Variants in PLEKHA5 observed in about 807,000 individuals in gnomAD.
PLEKHA5 encodes pleckstrin homology domain containing A5, also known as pleckstrin homology domain-containing family A member 5.
PLEKHA5 carries 55 observed loss-of-function variants against 181.9 expected under a neutral mutation model. That is an observed-to-expected ratio of 0.30 (90% CI 0.24 to 0.38). The LOEUF (loss-of-function observed/expected upper bound fraction) is 0.38, where lower values mean the gene tolerates loss of function less well. Among genes scored for constraint, PLEKHA5 ranks in the 10% least tolerant of loss-of-function variants. The pLI, the probability that PLEKHA5 is intolerant of heterozygous loss-of-function variation, is 1.00. For synonymous variants in PLEKHA5, 535 were observed against 529.4 expected (o/e 1.01, Z -0.15); for missense variants, 1,432 against 1,549.5 (o/e 0.92, Z 1.27).
intron 11 of PLEKHA5, among the ~76,000 whole-genome samples, chr12:19,277,406 A>G (rs951185232): frequency 6.6e-6 from 1 of 152,202 alleles, no homozygotes; most frequent in Non-Finnish European, 1.5e-5. Context: ...AGGTTCCTTT[A>G]TGAGTGTAAT....
intron 7 of PLEKHA5, among the ~76,000 whole-genome samples, chr12:19,264,294 G>A (rs190544896): frequency 5.3e-5 from 8 of 151,916 alleles, no homozygotes; most frequent in East Asian, 1.9e-4. Flanking sequence ...ACGGCCTCAC[G>A]TAATCTAGGG....
At chr12:19,312,762 T>G (rs1238802588) in intron 15 of PLEKHA5, among the ~76,000 whole-genome samples, 2 of 152,248 alleles carry the variant, frequency 1.3e-5, no homozygotes, top group Non-Finnish European at 2.9e-5. Context: ...GTATGTTGAC[T>G]GGAGTAGCAC....
chr12:19,277,547 T>C (rs774049748), intron 11 of PLEKHA5, among the ~76,000 whole-genome samples: 2 of 152,192 alleles, frequency 1.3e-5, no homozygotes, highest in South Asian at 2.1e-4. Flanking sequence ...TTAACTGTTA[T>C]GCCAGTTTTT....
intron 12 of PLEKHA5, among the ~76,000 whole-genome samples, chr12:19,284,311 C>G (rs1565565962): frequency 6.6e-6 from 1 of 152,128 alleles, no homozygotes; most frequent in Non-Finnish European, 1.5e-5. Flanking sequence ...TCAAGTGACC[C>G]ACTGGCCTCA....
rs759752709 is a variant in PLEKHA5, at chr12:19,283,634, A to G, written c.1668A>G (p.Ile556Met). 6.2e-7 allele frequency: 1 copy of G among 1,614,086 alleles called. No individual in the cohort carries two copies. Residue 556 changes from isoleucine to methionine, a missense_variant, in exon 12 of 32, where the codon ATA becomes ATG. Transcript: ENST00000429027. ...SIPTSPSHGS[I>M]AAYQGYSPQR... The stretch of plus-strand genomic sequence containing the variant: ...CCACATCACCTTCCCACGGGTCAAT[A>G]GCTGCTTATCAGGGATACTCCCCTC...
At chr12:19,257,232 G>A (rs1011625770) in intron 5 of PLEKHA5, among the ~76,000 whole-genome samples, 17 of 152,010 alleles carry the variant, frequency 1.1e-4, no homozygotes, top group African/African-American at 3.9e-4. Flanking sequence ...GTGATACCCT[G>A]GGGGAAAAAT....
At chr12:19,333,512 C>A (rs1442069990) in intron 20 of PLEKHA5, among the ~76,000 whole-genome samples, 1 of 151,878 alleles carries the variant, frequency 6.6e-6, no homozygotes, top group Non-Finnish European at 1.5e-5. Flanking sequence ...TCACTTGAAC[C>A]CGGGAGGCAG....
At chr12:19,162,319 A>G (rs1204062695) in intron 3 of PLEKHA5, among the ~76,000 whole-genome samples, 2 of 152,194 alleles carry the variant, frequency 1.3e-5, no homozygotes, top group African/African-American at 4.8e-5. Context: ...AGGCAGGCAA[A>G]GATTGTAATA....
intron 3 of PLEKHA5, among the ~76,000 whole-genome samples, chr12:19,133,218 A>G (rs1342147089): frequency 6.6e-6 from 1 of 151,966 alleles, no homozygotes; most frequent in African/African-American, 2.4e-5. Flanking sequence ...CAATCTTAAA[A>G]CCAGTTCTTT....
At chr12:19,178,157 C>T (rs527859479) in intron 3 of PLEKHA5, among the ~76,000 whole-genome samples, 5 of 152,182 alleles carry the variant, frequency 3.3e-5, no homozygotes, top group African/African-American at 9.6e-5. Context: ...AGTGTGCTGC[C>T]CAAGTATTGT....
chr12:19,190,669 C>T (rs1404221331), intron 3 of PLEKHA5, among the ~76,000 whole-genome samples: 1 of 152,218 alleles, frequency 6.6e-6, no homozygotes, highest in Admixed American at 6.5e-5. Context: ...TTTCAGTTAT[C>T]TCAGTGTTAT....
At chr12:19,190,664 G>A (rs2050895533) in intron 3 of PLEKHA5, among the ~76,000 whole-genome samples, 1 of 152,216 alleles carries the variant, frequency 6.6e-6, no homozygotes, top group Admixed American at 6.5e-5. Context: ...AGAAATTTCA[G>A]TTATCTCAGT....
intron 3 of PLEKHA5, chr12:19,149,718 G>A (rs976051283): frequency 6.6e-6 from 1 of 152,092 alleles, no homozygotes; most frequent in Non-Finnish European, 1.5e-5. Context: ...TATCCAGGAT[G>A]ATGGGAATGA....
chr12:19,346,886 C>T, intron 23 of PLEKHA5, 108 bp from the exon 24 acceptor site: 2 of 715,234 alleles, frequency 2.8e-6, no homozygotes, highest in Non-Finnish European at 4.2e-6. Flanking sequence ...GGCAGTGTCC[C>T]TTTTAGTATC....
rs1565575495 is a variant in PLEKHA5, at chr12:19,291,645, A to T, written c.1985A>T (p.Asn662Ile). Reference protein sequence around the residue: ...QLKLEAHSPKNEILSHHLQRN... With the variant: ...QLKLEAHSPKIEILSHHLQRN... ...TTTTTCTTAATTGGTGCCTACTAGA[A>T]TGAAATTCTTTCACATCATCTCCAA... Residue 662 changes from asparagine to isoleucine, a missense_variant and splice_region_variant, in exon 15 of 32, where the codon AAT becomes ATT. Asn to Ile is a moderately radical substitution (Grantham distance 149). This residue lies in a region of PLEKHA5 where 1,143 missense variants were observed against 1,168.4 expected (regional missense o/e 0.98). Coordinates refer to ENST00000429027, the MANE Select transcript of PLEKHA5 (RefSeq NM_001256470.2). 1 of 1,508,748 alleles carries T rather than the reference A, an allele frequency of 6.6e-7. No individual in the cohort carries two copies. Among genetic ancestry groups the T allele is most frequent in the Non-Finnish European group, 8.9e-7 (1 of 1,123,568 alleles). 93.5% of individuals were successfully genotyped at this position (1,508,748 alleles called of 1,614,324 possible).
At chr12:19,291,979 A>G (rs1427449260) in intron 15 of PLEKHA5, among the ~76,000 whole-genome samples, 1 of 152,002 alleles carries the variant, frequency 6.6e-6, no homozygotes, top group African/African-American at 2.4e-5. Context: ...TAAAACACCT[A>G]CTCCTTGAGG....
intron 3 of PLEKHA5, among the ~76,000 whole-genome samples, chr12:19,208,825 A>G (rs2056298126): frequency 6.6e-6 from 1 of 152,136 alleles, no homozygotes; most frequent in East Asian, 1.9e-4. Context: ...GGCCTCAAAT[A>G]TTTGACATCA....
At chr12:19,371,035 ACT>A (rs1290677076) in intron 31 of PLEKHA5, 2 of 132,290 alleles carry the variant, frequency 1.5e-5, no homozygotes, top group Non-Finnish European at 3.2e-5. Context: ...GCAAGGTCTT[ACT>A]CTGTCACCCA....
intron 13 of PLEKHA5, 28 bp downstream of exon 13, chr12:19,287,584 A>C (rs761543567): frequency 8.0e-7 from 1 of 1,245,652 alleles, no homozygotes; most frequent in Non-Finnish European, 1.2e-6. Flanking sequence ...TTACCATACC[A>C]TGTTTTATTT....
Sources: gnomAD v4.1 joint callset for allele counts (sites outside exome capture counted in the v4.1 genomes callset) on GRCh38, gnomAD v4.1.1 for gene constraint, gnomAD v4.1.1 regional missense constraint, MANE v1.5 for transcripts, NCBI Gene and HGNC (gene_info 2026-07-23, HGNC 2026-07-21) for gene names.